Variants in STAT6 observed in about 807,000 individuals in gnomAD.
The protein encoded by STAT6 is signal transducer and activator of transcription 6.
Under a neutral mutation model 106.3 loss-of-function variants are expected in STAT6, and 45 were observed. That is an observed-to-expected ratio of 0.42 (90% CI 0.33 to 0.54). The LOEUF is 0.54. STAT6 is among the 20% of genes least tolerant of loss of function. STAT6 has a pLI of 0.06. For synonymous variants in STAT6, 413 were observed against 413.6 expected, an observed-to-expected ratio of 1.00 and a Z score of 0.02; for missense variants, 797 against 1,062.2, an observed-to-expected ratio of 0.75 and a Z score of 3.47.
At chr12:57,107,500 C>T in intron 3 of STAT6, 105 bp downstream of exon 3, 1 of 1,453,426 alleles carries the variant, frequency 6.9e-7, no homozygotes, top group East Asian at 2.3e-5. Context: ...ACCACAGGAA[C>T]ACCAATTTGC....
intron 13 of STAT6, chr12:57,100,729 AGAAAGAAAG>A (rs2033862991): frequency 4.2e-6 from 1 of 236,844 alleles, no homozygotes; most frequent in Non-Finnish European, 8.8e-6. Flanking sequence ...AAAGAAAGAA[AGAAAGAAAG>A]AAAGAAAGAA....
Position 57,096,681 on chromosome 12 carries a change from T to A in STAT6, c.2435A>T (p.Glu812Val), listed in dbSNP as rs762165069. 1 of 1,604,762 alleles carries A rather than the reference T, an allele frequency of 6.2e-7. No homozygotes were observed. Among genetic ancestry groups the A allele is most frequent in the Non-Finnish European group, 8.5e-7 (1 of 1,177,084 alleles). ...TGCCCCCAAGGACCCTCCCCCCGAC[T>A]CCCCTTGCCCCTCCAGGAGAAGCTT... ...LTKLLLEGQGESGGGSLGAQP... is the reference protein window; with the variant it reads ...LTKLLLEGQGVSGGGSLGAQP... Residue 812 changes from glutamate to valine, a missense_variant, in exon 22 of 22, where the codon GAG (glutamate) becomes GTG (valine). This residue lies in a region of STAT6 where 226 missense variants were observed against 236.7 expected (regional missense o/e 0.95). Coordinates refer to ENST00000300134, the MANE Select transcript of STAT6 (RefSeq NM_003153.5).
intron 7 of STAT6, 158 bp from the exon 8 acceptor site, chr12:57,105,757 T>A: frequency 7.9e-7 from 1 of 1,258,380 alleles, no homozygotes; most frequent in Non-Finnish European, 1.1e-6. Context: ...GGGGGTTCTG[T>A]GATCTGTTGG....
chr12:57,107,311 T>G lies in STAT6; in HGVS notation c.259A>C (p.Ile87Leu). 6.2e-7 allele frequency: 1 copy of G among 1,613,958 alleles called. No homozygotes were observed. Among genetic ancestry groups the G allele is most frequent in the African/African-American group, 1.3e-5 (1 of 75,050 alleles). Residue 87 changes from isoleucine to leucine, a missense_variant, in exon 4 of 22, where the codon ATA (isoleucine) becomes CTA (leucine). Around this residue, in one of 4 missense-constraint regions of STAT6, gnomAD observed 336 missense variants for 429.8 expected, o/e 0.78. Coordinates refer to ENST00000300134, the MANE Select transcript of STAT6 (RefSeq NM_003153.5). ...AGCTTCAGGGGGTCCCTCTGATATA[T>G]GCTCTACAGAAATGAGGGTGGTAAA... ...ILQHISTLESIYQRDPLKLVA... is the reference protein window; with the variant it reads ...ILQHISTLESLYQRDPLKLVA...
At chr12:57,107,881 T>C (rs2034373262) in intron 2 of STAT6, 138 bp from the exon 3 acceptor site, 5 of 1,261,042 alleles carry the variant, frequency 4.0e-6, no homozygotes, top group South Asian at 3.0e-5. Context: ...CTTTCACCCA[T>C]GCGCCTTGTT....
chr12:57,100,740 AAGAAAGAAAAG>A (rs761836140), intron 13 of STAT6: 2 of 259,682 alleles, frequency 7.7e-6, no homozygotes, highest in South Asian at 3.0e-5. Context: ...GAAAGAAAGA[AAGAAAGAAAAG>A]AAAAAAAAAC....
rs764553478 is a variant in STAT6 at position 57,107,183 on chromosome 12, A to G, written c.339+48T>C. ...TTTCTAGTTTGTCATGGCTCAGGCC[A>G]AAGTCTCAGGGGATTGAGTTGGGGT... On this transcript the variant is annotated intron_variant, in intron 4 of 21. Transcript: ENST00000300134. 3.8e-6 allele frequency: 6 copies of G among 1,579,428 alleles called. No homozygotes were observed. In the East Asian group the frequency reaches 1.1e-4, roughly 29 times the overall value.
At position 57,107,757 on chromosome 12, in the gene STAT6, A is replaced by G. The variant is rs201441757; in HGVS notation, c.117-14T>C. On this transcript the variant is annotated splice_polypyrimidine_tract_variant and intron_variant, in intron 2 of 21. Transcript: ENST00000300134. Reference sequence around the variant, plus strand: ...ACCAGGAACTCCCTGCAGGAAGATCAGGATGAGGCTACCTCAGGCCAGGGC... The same window carrying G: ...ACCAGGAACTCCCTGCAGGAAGATCGGGATGAGGCTACCTCAGGCCAGGGC... The G allele has an allele frequency of 4.2e-5, 67 of 1,613,838 alleles. No individual in the cohort carries two copies. Among genetic ancestry groups the G allele is most frequent in the Non-Finnish European group, 5.3e-5 (63 of 1,180,018 alleles).
At chr12:57,108,129 C>T (rs753554115) in intron 2 of STAT6, 34 bp downstream of exon 2, 5 of 1,372,716 alleles carry the variant, frequency 3.6e-6, no homozygotes, top group Non-Finnish European at 5.1e-6. Flanking sequence ...TTAGGGAAGA[C>T]TTGGGGGACC....
At position 57,104,454 on chromosome 12, in the gene STAT6, C is replaced by T; in HGVS notation, c.1212+10G>A. 6.2e-7 allele frequency: 1 copy of T among 1,603,612 alleles called. No individual in the cohort carries two copies. Among genetic ancestry groups the T allele is most frequent in the Non-Finnish European group, 8.5e-7 (1 of 1,175,722 alleles). On this transcript the variant is annotated intron_variant, in intron 11 of 21. Coordinates refer to ENST00000300134, the MANE Select transcript of STAT6 (RefSeq NM_003153.5). The stretch of plus-strand genomic sequence containing the variant: ...GTCCCAGATTGGGGCAGGGCTGGGC[C>T]ACGGTTCACCTGGAGCTGGATGGGG...
intron 10 of STAT6, 22 bp downstream of exon 10, chr12:57,104,704 A>T (rs775258850): frequency 6.2e-7 from 1 of 1,613,826 alleles, no homozygotes; most frequent in Admixed American, 1.7e-5. Flanking sequence ...TGCCCCCCTC[A>T]CTGCACCCCA....
At position 57,106,026 on chromosome 12, in the gene STAT6, G is replaced by A. The variant is rs1363702398; in HGVS notation, c.680+165C>T. ...CACTAGGCCCACTTGTACAGGATGC[G>A]ACCTGAACGACAGTGTGCACAGCCC... On this transcript the variant is annotated intron_variant, in intron 7 of 21. Transcript: ENST00000300134. 13 of 1,205,914 alleles carry A rather than the reference G, an allele frequency of 1.1e-5. No individual in the cohort carries two copies. In the East Asian group the frequency reaches 1.8e-4, roughly 16 times the overall value. The allele number at this position is 1,205,914 out of a possible 1,614,324, so 74.7% of individuals were successfully genotyped here.
chr12:57,106,331 G>A lies in STAT6; in HGVS notation c.540C>T (p.Ala180=). 6.2e-7 allele frequency: 1 copy of A among 1,614,222 alleles called. No homozygotes were observed. Among genetic ancestry groups the A allele is most frequent in the Non-Finnish European group, 8.5e-7 (1 of 1,180,030 alleles). ...CTCCAGTGGTCTCCTGCAGTAGCAT[G>A]GCCAGGGCCTATGGGCAGAGAGGGG... is the stretch of plus-strand genomic sequence containing the variant. ...ANGTGPSEAL[A]MLLQETTGEL... Residue 180 remains alanine, a synonymous_variant, in exon 7 of 22, where the codon GCC becomes GCT. Transcript: ENST00000300134.
Position 57,108,295 on chromosome 12 carries a change from G to A in STAT6, c.-17C>T. Reference sequence around the variant, plus strand: ...CAGAGACATGATCTGGGACTTGGAGGTTGCCTGGAGGAGAAAAATAAGGCC... The same window carrying A: ...CAGAGACATGATCTGGGACTTGGAGATTGCCTGGAGGAGAAAAATAAGGCC... On this transcript the variant is annotated 5_prime_UTR_variant, in exon 2 of 22. Transcript: ENST00000300134. The A allele has an allele frequency of 1.3e-6, 2 of 1,548,878 alleles. No homozygotes were observed. Among genetic ancestry groups the A allele is most frequent in the Non-Finnish European group, 1.8e-6 (2 of 1,127,134 alleles).
Position 57,106,727 on chromosome 12 carries a change from T to G in STAT6, c.444A>C (p.Arg148=). Residue 148 remains arginine (R), a synonymous_variant, in exon 5 of 22, where the codon CGA becomes CGC. Transcript: ENST00000300134. ...QHRVGEIHLL[R]EALQKGAEAG... is the part of the protein sequence containing the mutation. ...CCTCAGCCCCCTTCTGCAGGGCTTC[T>G]CGGAGAAGGTGGATCTCCCCTACTC... The G allele has an allele frequency of 6.2e-7, 1 of 1,614,130 alleles. No individual in the cohort carries two copies. The highest frequency in any genetic ancestry group is 8.5e-7 in the Non-Finnish European group (1 of 1,180,028).
At chr12:57,096,808 C>A (rs1444320010) in intron 21 of STAT6, 42 bp downstream of exon 21, 3 of 1,613,804 alleles carry the variant, frequency 1.9e-6, no homozygotes, top group South Asian at 1.1e-5. Flanking sequence ...GCGCCCACTC[C>A]CCTAGATGCC....
intron 11 of STAT6, chr12:57,103,124 T>G: frequency 2.1e-6 from 1 of 468,960 alleles, no homozygotes; most frequent in Admixed American, 3.8e-5. Context: ...GCCTCCTGAA[T>G]AGCTGGAACT....
At chr12:57,106,957 C>T in intron 4 of STAT6, 126 bp from the exon 5 acceptor site, 1 of 1,450,344 alleles carries the variant, frequency 6.9e-7, no homozygotes. Context: ...TTCTTCCTGA[C>T]CTTTTGGAAT....
chr12:57,100,122 G>C, intron 13 of STAT6, 32 bp from the exon 14 acceptor site: 1 of 1,554,494 alleles, frequency 6.4e-7, no homozygotes, highest in Non-Finnish European at 8.7e-7. Flanking sequence ...TGTGAGCCGA[G>C]GGAGGGCCAG....
Sources: allele counts gnomAD v4.1 joint callset, GRCh38; gene constraint gnomAD v4.1.1; regional missense constraint gnomAD v4.1.1; transcripts MANE v1.5; gene names NCBI Gene and HGNC (gene_info 2026-07-23, HGNC 2026-07-21).